SNX29: variants seen among roughly 807,000 people sequenced by gnomAD.
SNX29 encodes sorting nexin 29.
In SNX29, 78 loss-of-function variants were observed where a neutral mutation model predicts 102.1. That is an observed-to-expected ratio of 0.76 (90% CI 0.64 to 0.92). The LOEUF is 0.92. SNX29 is among the 40% of genes least tolerant of loss of function. The pLI is 0.00. For synonymous variants in SNX29, 580 were observed against 414.5 expected (o/e 1.40, Z -4.85); for missense variants, 1,280 against 1,061.7 (o/e 1.21, Z -2.86).
chr16:12,392,866 C>T (rs1026378381), intron 16 of SNX29, among the ~76,000 whole-genome samples: 1 of 152,152 alleles, frequency 6.6e-6, no homozygotes, highest in Non-Finnish European at 1.5e-5. Context: ...AACTGGGGGG[C>T]TTTGTCCTGA....
intron 14 of SNX29, among the ~76,000 whole-genome samples, chr16:12,247,700 A>C (rs933172167): frequency 6.6e-6 from 1 of 152,214 alleles, no homozygotes; most frequent in Non-Finnish European, 1.5e-5. Flanking sequence ...TCAAGGTTTA[A>C]AAAGTCCCAC....
In SNX29 at chr16:12,570,341, C is replaced by CT. The variant is rs374676848; in HGVS notation, c.*1713dup. The CT allele has an allele frequency of 1.7e-4, 115 of 695,062 alleles. 1 individual carries two copies. In the African/African-American group the frequency reaches 1.9e-3, roughly 12 times the overall value. The allele number at this position is 695,062 out of a possible 1,614,324, so 43.1% of individuals were successfully genotyped here. On this transcript the variant is annotated 3_prime_UTR_variant, in exon 21 of 21. Coordinates refer to ENST00000566228, the MANE Select transcript of SNX29 (RefSeq NM_032167.5). Reference sequence around the variant, plus strand: ...TAAAGGCAACTTGGTCTCCCTCCCACTCACCTGCCAACATTGCTGCAATAC... The same window carrying CT: ...TAAAGGCAACTTGGTCTCCCTCCCACTTCACCTGCCAACATTGCTGCAATAC...
At chr16:12,299,687 C>T (rs2151092714) in intron 15 of SNX29, among the ~76,000 whole-genome samples, 1 of 152,012 alleles carries the variant, frequency 6.6e-6, no homozygotes, top group South Asian at 2.1e-4. Context: ...TTCTTCCCCA[C>T]CTGCCTCTTC....
chr16:12,253,148 A>G (rs567963725), intron 14 of SNX29, among the ~76,000 whole-genome samples: 5 of 152,268 alleles, frequency 3.3e-5, no homozygotes, highest in African/African-American at 1.2e-4. Context: ...GTGCCAGGCA[A>G]GTGCTTGAGA....
At chr16:12,247,417 G>T (rs1388624974) in intron 14 of SNX29, among the ~76,000 whole-genome samples, 1 of 152,082 alleles carries the variant, frequency 6.6e-6, no homozygotes, top group South Asian at 2.1e-4. Context: ...ATCTCCTCCT[G>T]TTTTTCCCTC....
intron 19 of SNX29, 145 bp downstream of exon 19, chr16:12,478,004 G>A (rs2087735227): frequency 4.1e-6 from 4 of 970,092 alleles, no homozygotes; most frequent in Non-Finnish European, 5.9e-6. Flanking sequence ...AAAAGAAATA[G>A]CCATTCATAA....
intron 20 of SNX29, among the ~76,000 whole-genome samples, chr16:12,565,244 T>C (rs542309103): frequency 2.6e-5 from 4 of 152,302 alleles, no homozygotes; most frequent in Non-Finnish European, 5.9e-5. Flanking sequence ...TCTCAATCTA[T>C]AAAGATGGCA....
chr16:12,399,065 TTA>T (rs1491528231), intron 17 of SNX29, among the ~76,000 whole-genome samples: 1 of 146,742 alleles, frequency 6.8e-6, no homozygotes, highest in Non-Finnish European at 1.5e-5. Context: ...TCAGACTTTT[TTA>T]TTTTTGAGAT....
At position 12,477,804 on chromosome 16, in the gene SNX29, A is replaced by T. The variant is rs1288998486; in HGVS notation, c.2123A>T (p.Lys708Met). The T allele has an allele frequency of 6.2e-7, 1 of 1,613,474 alleles. No individual in the cohort carries two copies. The highest frequency in any genetic ancestry group is 8.5e-7 in the Non-Finnish European group (1 of 1,179,756). The change falls in exon 19 of 21, where the codon AAG becomes ATG. Residue 708 changes from lysine (K) to methionine (M), a missense_variant. By Grantham distance (95) the Lys-to-Met change is moderately conservative. Transcript: ENST00000566228. ...FRSLHHKLQN[K>M]YPQVRAYNFP... The stretch of plus-strand genomic sequence containing the variant: ...AGTTTGCACCACAAGTTACAAAACA[A>T]GTACCCTCAAGTGAGGGCCTACAAC...
chr16:12,331,616 A>T (rs1477075487), intron 15 of SNX29, among the ~76,000 whole-genome samples: 1 of 152,026 alleles, frequency 6.6e-6, no homozygotes, highest in Non-Finnish European at 1.5e-5. Context: ...AGTGGCAGCG[A>T]TCTTGGCTCA....
intron 14 of SNX29, among the ~76,000 whole-genome samples, chr16:12,202,892 C>G (rs1215005320): frequency 6.6e-6 from 1 of 152,272 alleles, no homozygotes; most frequent in African/African-American, 2.4e-5. Flanking sequence ...GTGGACAAGA[C>G]TGGCTCATTA....
chr16:12,055,998 C>T (rs564653143), intron 8 of SNX29, among the ~76,000 whole-genome samples: 1 of 152,162 alleles, frequency 6.6e-6, no homozygotes. Flanking sequence ...TCTCCTGCCT[C>T]AGCCTCCAGA....
intron 17 of SNX29, among the ~76,000 whole-genome samples, chr16:12,400,192 T>G (rs12325447): frequency 0.044 from 6,676 of 152,258 alleles, 290 homozygotes; most frequent in African/African-American, 0.11. Context: ...ACTGAAATCC[T>G]TTGTGGAGCT....
chr16:12,531,765 G>C (rs1256772128), intron 20 of SNX29, among the ~76,000 whole-genome samples: 1 of 152,196 alleles, frequency 6.6e-6, no homozygotes, highest in Non-Finnish European at 1.5e-5. Context: ...TCAGAAACTG[G>C]TCTACGTGCA....
chr16:12,090,154 C>T (rs2052441559), intron 11 of SNX29: 1 of 154,926 alleles, frequency 6.5e-6, no homozygotes, highest in Non-Finnish European at 1.4e-5. Context: ...TTCTTTTTTC[C>T]TTAAAGACTC....
At chr16:12,551,627 C>T (rs913332178) in intron 20 of SNX29, among the ~76,000 whole-genome samples, 1 of 152,224 alleles carries the variant, frequency 6.6e-6, no homozygotes. Context: ...TCTGAGGCAT[C>T]AACCCAGCAA....
At chr16:12,556,366 C>G (rs1043329482) in intron 20 of SNX29, 1 of 152,186 alleles carries the variant, frequency 6.6e-6, no homozygotes, top group South Asian at 2.1e-4. Context: ...GTTGAGTATA[C>G]CAGTCGTAAT....
At chr16:12,544,943 A>G (rs2077519465) in intron 20 of SNX29, among the ~76,000 whole-genome samples, 1 of 152,182 alleles carries the variant, frequency 6.6e-6, no homozygotes, top group African/African-American at 2.4e-5. Context: ...TGTTCACTGT[A>G]TTTCCAGATG....
chr16:12,561,759 G>A (rs1356229710), intron 20 of SNX29, among the ~76,000 whole-genome samples: 3 of 152,086 alleles, frequency 2.0e-5, no homozygotes, highest in Admixed American at 6.5e-5. Flanking sequence ...TTTCTGAAAT[G>A]AACACCAAAG....
Sources: gnomAD v4.1 joint callset for allele counts (sites outside exome capture counted in the v4.1 genomes callset) on GRCh38, gnomAD v4.1.1 for gene constraint, MANE v1.5 for transcripts, NCBI Gene and HGNC (gene_info 2026-07-23, HGNC 2026-07-21) for gene names.